Variants in PTPRN2 observed in about 807,000 individuals in gnomAD.
PTPRN2 encodes protein tyrosine phosphatase receptor type N2.
Under a neutral mutation model 118.8 loss-of-function variants are expected in PTPRN2, and 74 were observed. That is an observed-to-expected ratio of 0.62 (90% CI 0.52 to 0.76). The LOEUF (loss-of-function observed/expected upper bound fraction) is 0.76, where lower values mean the gene tolerates loss of function less well. Among genes scored for constraint, PTPRN2 ranks in the 30% least tolerant of loss-of-function variants. PTPRN2 has a pLI of 0.00. For missense variants in PTPRN2, 1,481 were observed against 1,394.4 expected, an observed-to-expected ratio of 1.06 and a Z score of -0.99; for synonymous variants, 641 against 608.0, an observed-to-expected ratio of 1.05 and a Z score of -0.80.
At chr7:158,232,480 A>G (rs1829223537) in intron 3 of PTPRN2, among the ~76,000 whole-genome samples, 1 of 152,202 alleles carries the variant, frequency 6.6e-6, no homozygotes, top group Non-Finnish European at 1.5e-5. Flanking sequence ...AGAAAAGCCC[A>G]GGACCTGATG....
At chr7:158,158,068 T>C (rs1396525972) in intron 6 of PTPRN2, among the ~76,000 whole-genome samples, 3 of 152,108 alleles carry the variant, frequency 2.0e-5, no homozygotes, top group Non-Finnish European at 2.9e-5. Context: ...TAATTTTTTT[T>C]TTTTAAGCCA....
At chr7:157,580,275 T>C (rs1337412429) in intron 17 of PTPRN2, among the ~76,000 whole-genome samples, 1 of 152,160 alleles carries the variant, frequency 6.6e-6, no homozygotes, top group Non-Finnish European at 1.5e-5. Context: ...AAGTAAATAA[T>C]GACCCAGGAT....
intron 11 of PTPRN2, among the ~76,000 whole-genome samples, chr7:157,916,757 C>T (rs1462490000): frequency 6.6e-6 from 1 of 151,772 alleles, no homozygotes; most frequent in Non-Finnish European, 1.5e-5. Flanking sequence ...GGCCACGCAC[C>T]CCGGCCACTC....
chr7:158,578,282 C>CTTT lies in PTPRN2; in HGVS notation c.112+9273_112+9275dup, dbSNP rs35928034. Among the ~76,000 whole-genome samples the CTTT allele has an allele frequency of 7.4e-3, 1,056 of 143,448 alleles. 13 individuals are homozygous for CTTT. The highest frequency in any genetic ancestry group is 0.026 in the African/African-American group (1,000 of 39,182). The allele number at this position is 143,448 out of a possible 152,430, so 94.1% of individuals were successfully genotyped here. ...TTTGTATGAATATTATTTAAGTCAC[C>CTTT]TTTTTTTTTTTTTGAGATTCCAGAG... On this transcript the variant is annotated intron_variant, in intron 1 of 22. Coordinates refer to ENST00000389418, the MANE Select transcript of PTPRN2 (RefSeq NM_002847.5).
intron 10 of PTPRN2, among the ~76,000 whole-genome samples, chr7:158,082,673 T>C (rs953737203): frequency 6.6e-6 from 1 of 152,234 alleles, no homozygotes; most frequent in Non-Finnish European, 1.5e-5. Flanking sequence ...GGCTTCCTTA[T>C]GCCAGGAATA....
rs140744744 is a variant in PTPRN2 at position 158,068,425 on chromosome 7, T to C, written c.1723+12873A>G. ...GGACTGCAGCTGGGGCAGGAGCTGC[T>C]GAGGAGGTGGGTGCCCAGCACCACC... On this transcript the variant is annotated intron_variant, in intron 11 of 22. Coordinates refer to ENST00000389418, the MANE Select transcript of PTPRN2 (RefSeq NM_002847.5). Among the ~76,000 whole-genome samples, 747 of 152,296 alleles carry C rather than the reference T, an allele frequency of 4.9e-3. 9 individuals carry two copies. Among genetic ancestry groups the C allele is most frequent in the African/African-American group, 0.017 (703 of 41,560 alleles).
At chr7:158,444,385 C>A (rs554214756) in intron 2 of PTPRN2, among the ~76,000 whole-genome samples, 2 of 152,268 alleles carry the variant, frequency 1.3e-5, no homozygotes, top group African/African-American at 4.8e-5. Flanking sequence ...TCCCCACCCA[C>A]GGCCAGTGTT....
chr7:158,053,123 T>C lies in PTPRN2; in HGVS notation c.1723+28175A>G, dbSNP rs540676383. ...GATTTTTTTTCAATTTCAAGTCATG[T>C]CAATAAAAGTGATTTTCATAAACTA... On this transcript the variant is annotated intron_variant, in intron 11 of 22. Transcript: ENST00000389418. Among the ~76,000 whole-genome samples, 12 of 152,280 alleles carry C rather than the reference T, an allele frequency of 7.9e-5. No homozygotes were observed. In the East Asian group the frequency reaches 2.3e-3, roughly 29 times the overall value.
intron 3 of PTPRN2, among the ~76,000 whole-genome samples, chr7:158,250,311 G>C (rs1352841744): frequency 6.6e-6 from 1 of 152,036 alleles, no homozygotes; most frequent in Admixed American, 6.6e-5. Flanking sequence ...TCCTACTGTT[G>C]CATAATTTTC....
intron 5 of PTPRN2, among the ~76,000 whole-genome samples, chr7:158,183,541 G>A (rs559509174): frequency 2.9e-4 from 44 of 152,328 alleles, no homozygotes; most frequent in African/African-American, 7.9e-4. Context: ...GCAGACTTCC[G>A]CAAGGTCCCC....
intron 3 of PTPRN2, among the ~76,000 whole-genome samples, chr7:158,224,002 T>C (rs1157201357): frequency 6.6e-6 from 1 of 152,098 alleles, no homozygotes; most frequent in Non-Finnish European, 1.5e-5. Flanking sequence ...AAAACTGAAA[T>C]TAAAATACTA....
chr7:158,318,814 C>T (rs1334839283), intron 2 of PTPRN2, among the ~76,000 whole-genome samples: 1 of 152,238 alleles, frequency 6.6e-6, no homozygotes, highest in Admixed American at 6.5e-5. Flanking sequence ...GGGCCCCACT[C>T]GGCCACTCCG....
At chr7:158,122,958 G>C (rs1357128348) in intron 9 of PTPRN2, among the ~76,000 whole-genome samples, 1 of 152,074 alleles carries the variant, frequency 6.6e-6, no homozygotes, top group African/African-American at 2.4e-5. Context: ...GCCAAGAACA[G>C]GACCCGCCAT....
chr7:158,034,533 T>TC (rs549793673), intron 11 of PTPRN2, among the ~76,000 whole-genome samples: 2,689 of 152,304 alleles, frequency 0.018, 81 homozygotes, highest in African/African-American at 0.062. Flanking sequence ...TGCTCCTCCT[T>TC]GCCTTCCACC....
At chr7:158,066,432 A>ATG (rs2128911153) in intron 11 of PTPRN2, among the ~76,000 whole-genome samples, 1 of 152,320 alleles carries the variant, frequency 6.6e-6, no homozygotes, top group South Asian at 2.1e-4. Flanking sequence ...TTGCCACAGA[A>ATG]TGTGCTCTAA....
At chr7:158,091,058 G>A (rs181186101) in intron 10 of PTPRN2, among the ~76,000 whole-genome samples, 6 of 152,324 alleles carry the variant, frequency 3.9e-5, no homozygotes, top group South Asian at 2.1e-4. Context: ...AATAAGAACC[G>A]AGGCTTCTAT....
intron 14 of PTPRN2, among the ~76,000 whole-genome samples, chr7:157,640,308 A>C (rs940939768): frequency 1.3e-5 from 2 of 152,246 alleles, no homozygotes; most frequent in African/African-American, 2.4e-5. Flanking sequence ...CATGGATTAC[A>C]GGTTAGACAC....
intron 3 of PTPRN2, among the ~76,000 whole-genome samples, chr7:158,225,563 A>C (rs927757715): frequency 8.5e-5 from 13 of 152,186 alleles, no homozygotes; most frequent in African/African-American, 2.9e-4. Flanking sequence ...CAGCCACAGC[A>C]CCCATCTTCC....
In PTPRN2 at chr7:157,629,174, C is replaced by T. The variant is rs112061895; in HGVS notation, c.2197-7665G>A. Among the ~76,000 whole-genome samples the T allele has an allele frequency of 5.5e-3, 832 of 152,150 alleles. 4 individuals carry two copies. Among genetic ancestry groups the T allele is most frequent in the African/African-American group, 0.019 (780 of 41,512 alleles). ...GTCCAGATGTGGTTCCATGTGAATC[C>T]CGTCCACAGGCACTGGGATCCTGGG... On this transcript the variant is annotated intron_variant, in intron 14 of 22. Coordinates refer to ENST00000389418, the MANE Select transcript of PTPRN2 (RefSeq NM_002847.5). The surrounding 1 kb of genome is among the most constrained non-coding windows in gnomAD (Gnocchi z 4.4).
Sources: allele counts gnomAD v4.1 joint callset (sites outside exome capture counted in the v4.1 genomes callset), GRCh38; gene constraint gnomAD v4.1.1; non-coding constraint Gnocchi (gnomAD v3.1); transcripts MANE v1.5; gene names NCBI Gene and HGNC (gene_info 2026-07-23, HGNC 2026-07-21).